The following IGSF9B variants were observed in gnomAD, a reference collection of about 807,000 sequenced individuals.
The protein encoded by IGSF9B is immunoglobulin superfamily member 9B, also known as protein turtle homolog B.
A neutral mutation model predicts 143.7 loss-of-function variants in IGSF9B; 48 were observed. That is an observed-to-expected ratio of 0.33 (90% CI 0.26 to 0.42). IGSF9B has a LOEUF of 0.42. IGSF9B is among the 20% of genes least tolerant of loss of function. IGSF9B has a pLI of 1.00. For missense variants in IGSF9B, 1,706 were observed against 1,980.0 expected, an observed-to-expected ratio of 0.86 and a Z score of 2.63; for synonymous variants, 903 against 833.1, an observed-to-expected ratio of 1.08 and a Z score of -1.44.
chr11:133,939,739 G>A (rs1034075144), intron 3 of IGSF9B, among the ~76,000 whole-genome samples: 11 of 151,980 alleles, frequency 7.2e-5, no homozygotes, highest in African/African-American at 2.7e-4. Context: ...CACGCACCTC[G>A]CACGTCCTTG....
intron 3 of IGSF9B, among the ~76,000 whole-genome samples, chr11:133,940,754 C>T (rs1591722620): frequency 6.7e-6 from 1 of 150,348 alleles, no homozygotes. Context: ...ACACCTTGCA[C>T]GTCCTCACAC....
chr11:133,912,573 G>A (rs1939317860), intron 18 of IGSF9B, among the ~76,000 whole-genome samples: 1 of 152,208 alleles, frequency 6.6e-6, no homozygotes, highest in Admixed American at 6.5e-5. Context: ...AACAGCAGCA[G>A]CTAACAACAA....
In IGSF9B at chr11:133,903,796, A is replaced by C. The variant is rs73032046; in HGVS notation, c.*5273T>G. 0.14 allele frequency among the ~76,000 whole-genome samples: 21,070 copies of C among 152,196 alleles called. 1,869 individuals carry two copies. Among genetic ancestry groups the C allele is most frequent in the Middle Eastern group, 0.2 (60 of 294 alleles). Reference sequence around the variant, plus strand: ...CAGGAACCCAGAAATAAGGCTCTGAACCAGTGTGGATTCACTCGCAGTCAG... The same window carrying C: ...CAGGAACCCAGAAATAAGGCTCTGACCCAGTGTGGATTCACTCGCAGTCAG... On this transcript the variant is annotated 3_prime_UTR_variant, in exon 20 of 20. Coordinates refer to ENST00000533871, the MANE Select transcript of IGSF9B (RefSeq NM_001277285.4).
chr11:133,931,998 C>G lies in IGSF9B; in HGVS notation c.1110+73G>C. 2.6e-6 allele frequency: 4 copies of G among 1,543,884 alleles called. No individual in the cohort carries two copies. The South Asian group carries it at 3.8e-5, about 15-fold the overall frequency. ...GGGGCCAGGAGTCCTGGCAGAAATCCAGAGCCCAGAGGTGGCATCACAGTA... is the reference window on the plus strand; with the variant it reads ...GGGGCCAGGAGTCCTGGCAGAAATCGAGAGCCCAGAGGTGGCATCACAGTA... On this transcript the variant is annotated intron_variant, in intron 8 of 19. Coordinates refer to ENST00000533871, the MANE Select transcript of IGSF9B (RefSeq NM_001277285.4). The surrounding 1 kb of genome is among the most constrained non-coding windows in gnomAD (Gnocchi z 7.7).
At chr11:133,952,102 C>A (rs1219374988) in intron 1 of IGSF9B, 4 of 453,236 alleles carry the variant, frequency 8.8e-6, no homozygotes, top group Admixed American at 2.4e-5. Flanking sequence ...CTGGCGCACT[C>A]GGACTCTTTC....
intron 7 of IGSF9B, 24 bp from the exon 8 acceptor site, chr11:133,932,237 G>A (rs1939744970): frequency 1.3e-6 from 2 of 1,543,966 alleles, no homozygotes; most frequent in East Asian, 2.5e-5. Flanking sequence ...GCGCAGGTGA[G>A]AGAGCAGACA....
In IGSF9B at chr11:133,927,053, G is replaced by A; in HGVS notation, c.1670C>T (p.Ser557Phe). Residue 557 changes from serine (S) to phenylalanine (F), a missense_variant, in exon 13 of 20, where the codon TCC (serine) becomes TTC (phenylalanine). Physicochemically the swap from Ser to Phe is radical, Grantham distance 155. Coordinates refer to ENST00000533871, the MANE Select transcript of IGSF9B (RefSeq NM_001277285.4). ...RAQFGPHDWL[S>F]LPVPPGPSWL... is the part of the protein sequence containing the mutation. ...GCTGGGTCCTGGCGGCACTGGCAAG[G>A]ACAGCCAGTCATGGGGCCCAAACTG... is the stretch of plus-strand genomic sequence containing the variant. The A allele has an allele frequency of 1.3e-6, 2 of 1,562,468 alleles. No homozygotes were observed. Among genetic ancestry groups the A allele is most frequent in the South Asian group, 1.2e-5 (1 of 84,680 alleles).
chr11:133,936,789 G>A (rs1012672784), intron 5 of IGSF9B, among the ~76,000 whole-genome samples: 10 of 152,214 alleles, frequency 6.6e-5, no homozygotes, highest in Non-Finnish European at 1.3e-4. Context: ...CAGGAGGCAG[G>A]GCTGGGGAGG....
rs771896150 is a variant in IGSF9B, at chr11:133,920,910, C to T, written c.2815G>A (p.Gly939Ser). Residue 939 changes from glycine to serine, a missense_variant, in exon 18 of 20, where the codon GGC (glycine) becomes AGC (serine). By Grantham distance (56) the Gly-to-Ser change is moderately conservative (BLOSUM62 0). This residue lies in a region of IGSF9B where 880 missense variants were observed against 762.9 expected (regional missense o/e 1.15). Coordinates refer to ENST00000533871, the MANE Select transcript of IGSF9B (RefSeq NM_001277285.4). ...SPRFQPRGLE[G>S]PGGLEGRLQA... ...AGCCGACCTTCCAGGCCACCGGGGC[C>T]CTCCAGCCCGCGGGGCTGGAACCGA... is the stretch of plus-strand genomic sequence containing the variant. 1.9e-6 allele frequency: 3 copies of T among 1,608,970 alleles called. No individual in the cohort carries two copies. The highest frequency in any genetic ancestry group is 1.7e-6 in the Non-Finnish European group (2 of 1,178,086).
At chr11:133,941,569 A>G (rs12270042) in intron 3 of IGSF9B, among the ~76,000 whole-genome samples, 9,523 of 152,274 alleles carry the variant, frequency 0.063, 420 homozygotes, top group Non-Finnish European at 0.094. Flanking sequence ...CTTGGGAAGA[A>G]GAGAAAGGCA....
chr11:133,924,108 G>C (rs912315167), intron 15 of IGSF9B, among the ~76,000 whole-genome samples: 1 of 152,172 alleles, frequency 6.6e-6, no homozygotes, highest in African/African-American at 2.4e-5. Context: ...CTCCTCAGAC[G>C]AGGTCACTGT....
intron 18 of IGSF9B, among the ~76,000 whole-genome samples, chr11:133,917,304 A>G (rs957931645): frequency 6.6e-6 from 1 of 152,122 alleles, no homozygotes; most frequent in African/African-American, 2.4e-5. Flanking sequence ...TGAGGGACTC[A>G]GAGGCTCCCT....
At chr11:133,950,214 G>A (rs980443302) in intron 1 of IGSF9B, among the ~76,000 whole-genome samples, 1 of 152,202 alleles carries the variant, frequency 6.6e-6, no homozygotes, top group African/African-American at 2.4e-5. Context: ...CGCCGGGGAA[G>A]GGCTGGGGAA....
At chr11:133,951,900 C>A in intron 1 of IGSF9B, 1 of 291,162 alleles carries the variant, frequency 3.4e-6, no homozygotes, top group Admixed American at 3.7e-5. Flanking sequence ...AACATTCCTA[C>A]TCCAAAGCCA....
In IGSF9B at chr11:133,945,510, G is replaced by C. The variant is rs1940031123; in HGVS notation, c.262+551C>G. Among the ~76,000 whole-genome samples the C allele has an allele frequency of 6.6e-6, 1 of 152,172 alleles. No individual in the cohort carries two copies. The highest frequency in any genetic ancestry group is 2.4e-5 in the African/African-American group (1 of 41,442). ...CACGCCCTCCTCTCCCGCGGGCTGG[G>C]GGGCAGGCAGCGGCAGTGAGTCACG... On this transcript the variant is annotated intron_variant, in intron 2 of 19. Coordinates refer to ENST00000533871, the MANE Select transcript of IGSF9B (RefSeq NM_001277285.4). The surrounding 1 kb of genome is among the most constrained non-coding windows in gnomAD (Gnocchi z 4.6).
At chr11:133,918,340 G>A (rs1163414934) in intron 18 of IGSF9B, among the ~76,000 whole-genome samples, 3 of 152,054 alleles carry the variant, frequency 2.0e-5, no homozygotes, top group South Asian at 2.1e-4. Context: ...ACCAACACCG[G>A]CCGGGGGGCA....
In IGSF9B at chr11:133,936,209, G is replaced by C. The variant is rs1939820259; in HGVS notation, c.680-15C>G. 6.2e-7 allele frequency: 1 copy of C among 1,603,586 alleles called. No homozygotes were observed. The highest frequency in any genetic ancestry group is 2.2e-5 in the East Asian group (1 of 44,490). Reference sequence around the variant, plus strand: ...GAAAGGGGGCCCTGGGGAGAGCAGGGAACAAACCCCACCTCGCCTGATCAG... The same window carrying C: ...GAAAGGGGGCCCTGGGGAGAGCAGGCAACAAACCCCACCTCGCCTGATCAG... On this transcript the variant is annotated splice_polypyrimidine_tract_variant and intron_variant, in intron 5 of 19. Coordinates refer to ENST00000533871, the MANE Select transcript of IGSF9B (RefSeq NM_001277285.4).
Position 133,940,006 on chromosome 11 carries a change from C to T in IGSF9B, c.410-2045G>A, listed in dbSNP as rs58522762. Among the ~76,000 whole-genome samples, 463 of 147,326 alleles carry T rather than the reference C, an allele frequency of 3.1e-3. 2 individuals carry two copies. Among genetic ancestry groups the T allele is most frequent in the African/African-American group, 0.01 (415 of 39,866 alleles). On this transcript the variant is annotated intron_variant, in intron 3 of 19. Coordinates refer to ENST00000533871, the MANE Select transcript of IGSF9B (RefSeq NM_001277285.4). Reference sequence around the variant, plus strand: ...CAGAAACATACACCTTGCACGTCATCGCACGCGTCATCACATGCAAAAACA... The same window carrying T: ...CAGAAACATACACCTTGCACGTCATTGCACGCGTCATCACATGCAAAAACA...
Position 133,900,306 on chromosome 11 carries a change from C to T in IGSF9B, c.*8763G>A, listed in dbSNP as rs984826683. 7.2e-5 allele frequency: 11 copies of T among 152,664 alleles called. No homozygotes were observed. The highest frequency in any genetic ancestry group is 1.6e-4 in the Non-Finnish European group (11 of 68,090). The allele number at this position is 152,664 out of a possible 1,614,324, so 9.5% of individuals were successfully genotyped here. ...CGAAAGGTTGCAGTCCTGAGTCTCT[C>T]CTCACTGCCTGCACCATCTGGCCCA... On this transcript the variant is annotated 3_prime_UTR_variant, in exon 20 of 20. Transcript: ENST00000533871.
Sources: gnomAD v4.1 joint callset for allele counts (sites outside exome capture counted in the v4.1 genomes callset) on GRCh38, gnomAD v4.1.1 for gene constraint, gnomAD v4.1.1 regional missense constraint, Gnocchi (gnomAD v3.1) non-coding constraint, MANE v1.5 for transcripts, NCBI Gene and HGNC (gene_info 2026-07-23, HGNC 2026-07-21) for gene names.